ANKS1B: variants seen among roughly 807,000 people sequenced by gnomAD.
The protein encoded by ANKS1B is ankyrin repeat and sterile alpha motif domain containing 1B, also known as ankyrin repeat and sterile alpha motif domain-containing protein 1B.
Under a neutral mutation model 148.3 loss-of-function variants are expected in ANKS1B, and 36 were observed. The ratio of observed to expected loss-of-function variants is 0.24; its 90% CI spans 0.19 to 0.32. ANKS1B has a LOEUF of 0.32. Ranked by LOEUF, ANKS1B falls within the 10% of genes least tolerant of loss-of-function variation. ANKS1B has a pLI of 1.00. For synonymous variants in ANKS1B, 542 were observed against 560.8 expected (o/e 0.97, Z 0.47); for missense variants, 1,157 against 1,542.6 (o/e 0.75, Z 4.19).
intron 9 of ANKS1B, among the ~76,000 whole-genome samples, chr12:99,568,244 G>C (rs1168133705): frequency 3.9e-5 from 6 of 152,060 alleles, no homozygotes; most frequent in Admixed American, 2.6e-4. Context: ...TGCATTCCTT[G>C]GGCTCATGGC....
Position 99,763,388 on chromosome 12 carries a change from G to A in ANKS1B, c.1128+9534C>T, listed in dbSNP as rs114931522. ...CATTATCCTAAGCAAATTAACACAG[G>A]AACAGATAACCAAATACCACTTGTT... On this transcript the variant is annotated intron_variant, in intron 8 of 26. Transcript: ENST00000683438. Among the ~76,000 whole-genome samples the A allele has an allele frequency of 8.3e-3, 1,262 of 152,226 alleles. 16 individuals carry two copies. The highest frequency in any genetic ancestry group is 0.029 in the African/African-American group (1,201 of 41,538).
At chr12:99,391,531 G>GAGAT (rs747206062) in intron 12 of ANKS1B, among the ~76,000 whole-genome samples, 85 of 152,252 alleles carry the variant, frequency 5.6e-4, no homozygotes, top group Non-Finnish European at 1.1e-3. Flanking sequence ...TTGTTGGCAT[G>GAGAT]AGATCAGTCA....
At chr12:99,548,188 A>G (rs888445368) in intron 9 of ANKS1B, among the ~76,000 whole-genome samples, 2 of 152,160 alleles carry the variant, frequency 1.3e-5, no homozygotes, top group Admixed American at 6.6e-5. Flanking sequence ...ATAATAGCAT[A>G]TCATCAGAAT....
At chr12:99,629,296 T>C (rs1598411775) in intron 9 of ANKS1B, among the ~76,000 whole-genome samples, 2 of 152,184 alleles carry the variant, frequency 1.3e-5, no homozygotes, top group South Asian at 4.1e-4. Context: ...TGTAGCCTCA[T>C]TAAACTAAGT....
chr12:99,697,122 T>C (rs1242412173), intron 8 of ANKS1B, among the ~76,000 whole-genome samples: 2 of 152,170 alleles, frequency 1.3e-5, no homozygotes, highest in East Asian at 1.9e-4. Flanking sequence ...CTCTCATTCA[T>C]TACTGTGGAA....
chr12:99,155,771 C>T (rs1351575594), intron 14 of ANKS1B, among the ~76,000 whole-genome samples: 1 of 152,154 alleles, frequency 6.6e-6, no homozygotes, highest in Non-Finnish European at 1.5e-5. Flanking sequence ...CTAACGTAGG[C>T]ATCCCTGGCT....
At chr12:99,629,105 C>CA (rs2098135086) in intron 9 of ANKS1B, among the ~76,000 whole-genome samples, 1 of 152,054 alleles carries the variant, frequency 6.6e-6, no homozygotes, top group Non-Finnish European at 1.5e-5. Context: ...GATACAATAG[C>CA]AGAACTAAGC....
In ANKS1B at chr12:99,372,958, T is replaced by C. The variant is rs192917374; in HGVS notation, c.1756+26673A>G. On this transcript the variant is annotated intron_variant, in intron 12 of 26. Transcript: ENST00000683438. The stretch of plus-strand genomic sequence containing the variant: ...CCTAATTTCTGGAATGATATTGGAA[T>C]TGGTTATGATTAAAACAGCAAGGGT... Among the ~76,000 whole-genome samples, 65 of 152,266 alleles carry C rather than the reference T, an allele frequency of 4.3e-4. 1 individual carries two copies. Among genetic ancestry groups the C allele is most frequent in the Non-Finnish European group, 7.4e-4 (50 of 67,998 alleles).
chr12:98,906,810 C>T (rs1255105255), intron 17 of ANKS1B, among the ~76,000 whole-genome samples: 2 of 151,956 alleles, frequency 1.3e-5, no homozygotes, highest in African/African-American at 4.8e-5. Flanking sequence ...TTTTGAAGCA[C>T]TTTCATATTC....
intron 9 of ANKS1B, among the ~76,000 whole-genome samples, chr12:99,575,241 A>G (rs2097504700): frequency 6.6e-6 from 1 of 152,102 alleles, no homozygotes; most frequent in Non-Finnish European, 1.5e-5. Flanking sequence ...TATAGTCAGC[A>G]TCCTTAAAGA....
chr12:99,046,361 G>GA (rs2099962327), intron 17 of ANKS1B, among the ~76,000 whole-genome samples: 1 of 151,998 alleles, frequency 6.6e-6, no homozygotes. Context: ...ACAGCAAGGA[G>GA]AAAAATCAAT....
At chr12:99,069,586 T>C (rs1019172288) in intron 16 of ANKS1B, among the ~76,000 whole-genome samples, 2 of 152,214 alleles carry the variant, frequency 1.3e-5, no homozygotes, top group African/African-American at 4.8e-5. Flanking sequence ...TTAGAAATCA[T>C]TTAAAGTGTA....
intron 1 of ANKS1B, among the ~76,000 whole-genome samples, chr12:99,895,794 C>T (rs981458650): frequency 1.3e-5 from 2 of 151,114 alleles, no homozygotes; most frequent in African/African-American, 2.4e-5. Context: ...TCTATGGAGT[C>T]CTTCGGTTCT....
intron 8 of ANKS1B, among the ~76,000 whole-genome samples, chr12:99,768,594 G>A (rs1333889879): frequency 1.3e-5 from 2 of 151,982 alleles, no homozygotes; most frequent in Non-Finnish European, 2.9e-5. Flanking sequence ...TTGGGAAGCC[G>A]AGGCAGGCAG....
At chr12:99,905,998 G>A (rs897801701) in intron 1 of ANKS1B, among the ~76,000 whole-genome samples, 1 of 152,140 alleles carries the variant, frequency 6.6e-6, no homozygotes, top group Non-Finnish European at 1.5e-5. Flanking sequence ...ATCTTGAAGA[G>A]GTCATATAGA....
At chr12:99,764,083 A>G (rs984409484) in intron 8 of ANKS1B, among the ~76,000 whole-genome samples, 5 of 152,212 alleles carry the variant, frequency 3.3e-5, no homozygotes, top group African/African-American at 1.2e-4. Flanking sequence ...TCATATGCCT[A>G]CACCGAAATA....
intron 20 of ANKS1B, among the ~76,000 whole-genome samples, chr12:98,806,786 G>C (rs990280341): frequency 1.3e-4 from 20 of 152,174 alleles, no homozygotes; most frequent in African/African-American, 4.6e-4. Flanking sequence ...TGTTCCTTTA[G>C]ATGAAAAAGA....
chr12:99,705,384 C>A (rs1429064866), intron 8 of ANKS1B, among the ~76,000 whole-genome samples: 4 of 152,000 alleles, frequency 2.6e-5, no homozygotes, highest in Non-Finnish European at 5.9e-5. Context: ...AAGAACTTCC[C>A]ATTAGGAGCT....
At chr12:99,288,240 C>G (rs1426949724) in intron 12 of ANKS1B, among the ~76,000 whole-genome samples, 2 of 152,016 alleles carry the variant, frequency 1.3e-5, no homozygotes, top group Non-Finnish European at 2.9e-5. Flanking sequence ...GGAAGCCTTC[C>G]AGGCCAGGAG....
Sources: gnomAD v4.1 joint callset for allele counts (sites outside exome capture counted in the v4.1 genomes callset) on GRCh38, gnomAD v4.1.1 for gene constraint, MANE v1.5 for transcripts, NCBI Gene and HGNC (gene_info 2026-07-23, HGNC 2026-07-21) for gene names.